Variants in FGGY observed in about 807,000 individuals in gnomAD.
FGGY encodes the protein FGGY carbohydrate kinase domain containing, also known as FGGY carbohydrate kinase domain-containing protein.
Under a neutral mutation model 71.3 loss-of-function variants are expected in FGGY, and 72 were observed. The observed-to-expected ratio is 1.01, with a 90% CI of 0.84 to 1.23. The LOEUF (loss-of-function observed/expected upper bound fraction) is 1.23. Ranked by LOEUF, FGGY falls within the 50% of genes most tolerant of loss-of-function variation. FGGY has a pLI of 0.00. For synonymous variants in FGGY, 251 were observed against 250.3 expected, an observed-to-expected ratio of 1.00 and a Z score of -0.02; for missense variants, 668 against 682.3, an observed-to-expected ratio of 0.98 and a Z score of 0.23.
chr1:59,441,927 C>T (rs1401033380), intron 5 of FGGY, among the ~76,000 whole-genome samples: 2 of 152,160 alleles, frequency 1.3e-5, no homozygotes, highest in African/African-American at 2.4e-5. Flanking sequence ...TCCTCTACAA[C>T]CTTTGTCCAC....
At chr1:59,588,419 G>A (rs4912403) in intron 8 of FGGY, among the ~76,000 whole-genome samples, 150,571 of 151,856 alleles carry the variant, frequency 0.99, 74,649 homozygotes, top group East Asian at 1. Context: ...GCAGGCCAAC[G>A]TTCAGATTCA....
intron 5 of FGGY, among the ~76,000 whole-genome samples, chr1:59,422,457 G>A (rs1173769209): frequency 2.6e-5 from 4 of 152,194 alleles, no homozygotes; most frequent in African/African-American, 9.7e-5. Flanking sequence ...AACTTTGGGA[G>A]GCTGAATTGG....
intron 2 of FGGY, among the ~76,000 whole-genome samples, chr1:59,329,356 TGC>T (rs2048017887): frequency 1.3e-5 from 2 of 152,344 alleles, no homozygotes; most frequent in African/African-American, 4.8e-5. Flanking sequence ...TTGCTAAAAA[TGC>T]TAATGAAGTG....
At chr1:59,589,743 A>C (rs1006856291) in intron 8 of FGGY, among the ~76,000 whole-genome samples, 2 of 152,222 alleles carry the variant, frequency 1.3e-5, no homozygotes, top group Admixed American at 1.3e-4. Flanking sequence ...AACCAACGAG[A>C]ACAAAGACAC....
chr1:59,655,315 G>A (rs974122040), intron 11 of FGGY, among the ~76,000 whole-genome samples: 1 of 152,310 alleles, frequency 6.6e-6, no homozygotes, highest in South Asian at 2.1e-4. Flanking sequence ...GAACGTGCAG[G>A]TTTGTTAAAT....
At chr1:59,577,137 C>T (rs2096094576) in intron 8 of FGGY, among the ~76,000 whole-genome samples, 1 of 152,184 alleles carries the variant, frequency 6.6e-6, no homozygotes, top group South Asian at 2.1e-4. Flanking sequence ...TACCTCCTCC[C>T]AGCACCTGGT....
At chr1:59,642,198 G>A (rs561818638) in intron 11 of FGGY, among the ~76,000 whole-genome samples, 11 of 152,282 alleles carry the variant, frequency 7.2e-5, no homozygotes, top group African/African-American at 2.4e-4. Context: ...ACTAGTTCTA[G>A]GCTCGGAAAG....
chr1:59,497,934 G>T (rs72915661), intron 6 of FGGY, among the ~76,000 whole-genome samples: 2 of 151,918 alleles, frequency 1.3e-5, no homozygotes, highest in African/African-American at 4.8e-5. Flanking sequence ...CCTGATTTTT[G>T]CCAGGCAGCA....
chr1:59,677,768 T>A (rs1391381568), intron 14 of FGGY, among the ~76,000 whole-genome samples: 1 of 152,186 alleles, frequency 6.6e-6, no homozygotes, highest in Admixed American at 6.5e-5. Context: ...CAAGATCTAT[T>A]GATATTGCAA....
At chr1:59,666,047 AC>A (rs2097322600) in intron 12 of FGGY, among the ~76,000 whole-genome samples, 1 of 151,944 alleles carries the variant, frequency 6.6e-6, no homozygotes, top group South Asian at 2.1e-4. Context: ...CTCCCTCACT[AC>A]ATTCCTAGGT....
chr1:59,661,589 T>C (rs1056975020), intron 12 of FGGY, among the ~76,000 whole-genome samples: 1 of 151,920 alleles, frequency 6.6e-6, no homozygotes, highest in Non-Finnish European at 1.5e-5. Flanking sequence ...AAGATGAAAA[T>C]AGAGAAAAAA....
At chr1:59,398,573 C>T (rs964611291) in intron 5 of FGGY, among the ~76,000 whole-genome samples, 8 of 152,094 alleles carry the variant, frequency 5.3e-5, no homozygotes, top group Non-Finnish European at 8.8e-5. Context: ...TTTCAGAGGC[C>T]ATTTGCCATG....
chr1:59,348,291 A>G (rs965217610), intron 4 of FGGY, among the ~76,000 whole-genome samples: 3 of 152,140 alleles, frequency 2.0e-5, no homozygotes, highest in Non-Finnish European at 4.4e-5. Context: ...TTTTAGCCCC[A>G]ACTTATTAAT....
chr1:59,428,801 CT>C (rs1323828334), intron 5 of FGGY, among the ~76,000 whole-genome samples: 1 of 152,174 alleles, frequency 6.6e-6, no homozygotes, highest in Non-Finnish European at 1.5e-5. Flanking sequence ...ATGATGGCAC[CT>C]TTTGGTTTTG....
chr1:59,484,645 A>C (rs1430001570), intron 6 of FGGY, among the ~76,000 whole-genome samples: 1 of 152,168 alleles, frequency 6.6e-6, no homozygotes, highest in Non-Finnish European at 1.5e-5. Context: ...ATTTTAAAAG[A>C]TTTGGTAATA....
chr1:59,434,456 ACT>A (rs1200019094), intron 5 of FGGY, among the ~76,000 whole-genome samples: 4 of 152,224 alleles, frequency 2.6e-5, no homozygotes, highest in Admixed American at 6.5e-5. Flanking sequence ...CACACTTAAC[ACT>A]CTGGCAGATA....
chr1:59,406,747 C>T (rs2062820162), intron 5 of FGGY, among the ~76,000 whole-genome samples: 2 of 152,148 alleles, frequency 1.3e-5, no homozygotes, highest in South Asian at 4.1e-4. Context: ...TAAGGTCAGC[C>T]ATGTATCTTT....
At chr1:59,527,027 T>A (rs1207365684) in intron 7 of FGGY, among the ~76,000 whole-genome samples, 1 of 152,216 alleles carries the variant, frequency 6.6e-6, no homozygotes, top group Admixed American at 6.5e-5. Context: ...GCCAAAGAGA[T>A]TGAATGCTAA....
rs570904859 is a variant in FGGY at position 59,588,697 on chromosome 1, A to T, written c.904-19106A>T. Among the ~76,000 whole-genome samples the T allele has an allele frequency of 1.9e-3, 288 of 152,296 alleles. 2 individuals are homozygous for T. The highest frequency in any genetic ancestry group is 4.8e-3 in the South Asian group (23 of 4,822). ...TCATATCCAGCCAAACTAAGCTTCA[A>T]AAGTGAAGGAGAAATAAAATACTTT... On this transcript the variant is annotated intron_variant, in intron 8 of 15. Transcript: ENST00000303721.
Sources: gnomAD v4.1 joint callset for allele counts (sites outside exome capture counted in the v4.1 genomes callset) on GRCh38, gnomAD v4.1.1 for gene constraint, MANE v1.5 for transcripts, NCBI Gene and HGNC (gene_info 2026-07-23, HGNC 2026-07-21) for gene names.